Variants in ENOSF1 observed in about 807,000 individuals in gnomAD.
ENOSF1 encodes the protein enolase superfamily member 1.
Under a neutral mutation model 68.2 loss-of-function variants are expected in ENOSF1, and 73 were observed. The observed-to-expected ratio is 1.07, with a 90% confidence interval of 0.89 to 1.30. ENOSF1 has a LOEUF of 1.30. ENOSF1 is among the 50% of genes most tolerant of loss of function. The probability of loss-of-function intolerance (pLI) is 0.00; values close to 1 mark genes in which losing one functional copy is unlikely to be tolerated. For synonymous variants in ENOSF1, 223 were observed against 210.4 expected, an observed-to-expected ratio of 1.06 and a Z score of -0.52; for missense variants, 589 against 554.5, an observed-to-expected ratio of 1.06 and a Z score of -0.62.
At chr18:692,968 C>G (rs2077354291) in intron 5 of ENOSF1, 1 of 1,173,370 alleles carries the variant, frequency 8.5e-7, no homozygotes, top group Non-Finnish European at 1.1e-6. Context: ...ATAACAAGGG[C>G]CTTCATTTGT....
At position 688,433 on chromosome 18, in the gene ENOSF1, A is replaced by G; in HGVS notation, c.653+141T>C. On this transcript the variant is annotated intron_variant, in intron 9 of 15. Coordinates refer to ENST00000647584, the MANE Select transcript of ENOSF1 (RefSeq NM_017512.7). ...GAGAAAGAGCCTGGCCTAAGGGGAA[A>G]CTTCTCTTATGCATCCCTATGAGCC... The G allele has an allele frequency of 6.0e-6, 6 of 999,542 alleles. No individual in the cohort carries two copies. The South Asian group carries it at 6.1e-5, about 10-fold the overall frequency. 61.9% of individuals were successfully genotyped at this position (999,542 alleles called of 1,614,324 possible).
rs1396826934 is a variant in ENOSF1 at position 670,799 on chromosome 18, G to A, written c.*3506C>T. On this transcript the variant is annotated 3_prime_UTR_variant, in exon 16 of 16. Coordinates refer to ENST00000647584, the MANE Select transcript of ENOSF1 (RefSeq NM_017512.7). ...CCAGAGATCGGGAGACATGGGCCTC[G>A]GTGTGCCTTTCAACATCGCCAGCTA... 1.2e-6 allele frequency: 2 copies of A among 1,614,096 alleles called. No homozygotes were observed. Among genetic ancestry groups the A allele is most frequent in the East Asian group, 2.2e-5 (1 of 44,880 alleles).
intron 5 of ENOSF1, chr18:692,238 T>A (rs2612084): frequency 0.33 from 50,606 of 151,886 alleles, 8,735 homozygotes; most frequent in Non-Finnish European, 0.37. Context: ...CCCACTAACA[T>A]CTTATAGTGA....
At chr18:689,629 G>A (rs1271139473) in intron 8 of ENOSF1, among the ~76,000 whole-genome samples, 3 of 152,166 alleles carry the variant, frequency 2.0e-5, no homozygotes, top group Non-Finnish European at 4.4e-5. Flanking sequence ...TTCTCCCAGA[G>A]AGGCTGGAAT....
At chr18:706,815 A>ATATAT (rs760562263) in intron 1 of ENOSF1, 3,051 of 130,994 alleles carry the variant, frequency 0.023, 48 homozygotes, top group Middle Eastern at 0.068. Flanking sequence ...ATATATATAT[A>ATATAT]TTTTTTTTTT....
chr18:669,014 T>C (rs2074922602), downstream of ENOSF1: 1 of 1,438,564 alleles, frequency 7.0e-7, no homozygotes, highest in Non-Finnish European at 9.8e-7. Flanking sequence ...TCTAAGGCCA[T>C]CTCATGACAT....
chr18:666,894 T>C (rs2074826480), downstream of ENOSF1, among the ~76,000 whole-genome samples: 1 of 51,334 alleles, frequency 1.9e-5, no homozygotes, highest in Admixed American at 1.7e-4. Flanking sequence ...GTTCGGGAGA[T>C]GGTGATGGAG....
At chr18:687,614 T>A (rs1167691525) in intron 9 of ENOSF1, 1 of 152,168 alleles carries the variant, frequency 6.6e-6, no homozygotes, top group African/African-American at 2.4e-5. Context: ...TCAAAAGAGA[T>A]GATGGTCCCT....
intron 10 of ENOSF1, among the ~76,000 whole-genome samples, chr18:684,325 C>T (rs990905135): frequency 6.6e-5 from 10 of 151,958 alleles, no homozygotes; most frequent in Non-Finnish European, 1.3e-4. Context: ...CCCAGGAGTT[C>T]AAGACCAGGC....
intron 1 of ENOSF1, 59 bp from the exon 2 acceptor site, chr18:706,637 A>G: frequency 8.0e-7 from 1 of 1,250,160 alleles, no homozygotes; most frequent in Non-Finnish European, 1.2e-6. Flanking sequence ...GAAAAGAACC[A>G]TGAGAATGAT....
intron 2 of ENOSF1, among the ~76,000 whole-genome samples, chr18:702,285 A>C (rs1481255778): frequency 1.4e-5 from 2 of 140,086 alleles, no homozygotes; most frequent in African/African-American, 2.7e-5. Flanking sequence ...AAAAAAAAAA[A>C]ACCCAGGTCA....
At chr18:695,118 C>T (rs1477668219) in intron 3 of ENOSF1, among the ~76,000 whole-genome samples, 1 of 152,194 alleles carries the variant, frequency 6.6e-6, no homozygotes, top group Non-Finnish European at 1.5e-5. Flanking sequence ...TCTGGGATCA[C>T]GTATTACATT....
chr18:671,470 A>G lies in ENOSF1; in HGVS notation c.*2835T>C. 1 of 1,567,676 alleles carries G rather than the reference A, an allele frequency of 6.4e-7. No homozygotes were observed. The highest frequency in any genetic ancestry group is 8.8e-7 in the Non-Finnish European group (1 of 1,138,440). On this transcript the variant is annotated 3_prime_UTR_variant, in exon 16 of 16. Transcript: ENST00000647584. The stretch of plus-strand genomic sequence containing the variant: ...AATTCAGGTAAGAATTAGATGTTAT[A>G]CTTTTGGGTTTGGTACCTTCTCTTG...
intron 14 of ENOSF1, among the ~76,000 whole-genome samples, chr18:675,825 G>GAAAAAA (rs370711174): frequency 0.34 from 51,785 of 151,658 alleles, 9,144 homozygotes; most frequent in Middle Eastern, 0.47. Context: ...GGGTTTTTTT[G>GAAAAAA]GCAGGTAGGG....
intron 3 of ENOSF1, 61 bp from the exon 4 acceptor site, chr18:694,395 T>C: frequency 6.7e-7 from 1 of 1,497,514 alleles, no homozygotes; most frequent in Non-Finnish European, 9.2e-7. Flanking sequence ...CTGGGTGTGA[T>C]GGCTCATGCC....
intron 1 of ENOSF1, chr18:707,709 C>T (rs1007488434): frequency 6.6e-6 from 1 of 151,776 alleles, no homozygotes; most frequent in African/African-American, 2.4e-5. Flanking sequence ...GCCAGACACA[C>T]TATATTCTAA....
At chr18:667,446 GGT>G (rs1171171812), downstream of ENOSF1, among the ~76,000 whole-genome samples, 6 of 1,110 alleles carry the variant, frequency 5.4e-3, 3 homozygotes, top group Non-Finnish European at 6.2e-3. Flanking sequence ...TGATGGTGAT[GGT>G]GATGGTGATG....
chr18:689,899 G>A (rs986640116), intron 8 of ENOSF1, among the ~76,000 whole-genome samples: 18 of 150,790 alleles, frequency 1.2e-4, no homozygotes, highest in Admixed American at 6.6e-5. Context: ...CTGGGGAGGC[G>A]AGGGGGCTGA....
intron 1 of ENOSF1, among the ~76,000 whole-genome samples, chr18:708,112 C>T (rs888401486): frequency 4.0e-5 from 6 of 151,548 alleles, no homozygotes; most frequent in African/African-American, 1.5e-4. Context: ...CCACTTGCCT[C>T]GGCCTCCCAA....
Sources: gnomAD v4.1 joint callset for allele counts (sites outside exome capture counted in the v4.1 genomes callset) on GRCh38, gnomAD v4.1.1 for gene constraint, MANE v1.5 for transcripts, NCBI Gene and HGNC (gene_info 2026-07-23, HGNC 2026-07-21) for gene names.